Variants in C1QTNF3 observed in about 807,000 individuals in gnomAD.
The protein encoded by C1QTNF3 is complement C1q tumor necrosis factor-related protein 3.
C1QTNF3 carries 26 observed loss-of-function variants against 32.6 expected under a neutral mutation model. The ratio of observed to expected loss-of-function variants is 0.80; its 90% confidence interval spans 0.58 to 1.11. The LOEUF (loss-of-function observed/expected upper bound fraction) is 1.11, where lower values mean the gene tolerates loss of function less well. Ranked by LOEUF, C1QTNF3 falls within the 50% of genes least tolerant of loss-of-function variation. C1QTNF3 has a pLI of 0.00. For synonymous variants in C1QTNF3, 155 were observed against 146.0 expected, an observed-to-expected ratio of 1.06 and a Z score of -0.44; for missense variants, 362 against 398.2, an observed-to-expected ratio of 0.91 and a Z score of 0.77.
At chr5:34,242,629 A>C in the C1QTNF3 span, among the ~76,000 whole-genome samples, 1 of 151,830 alleles carries the variant, frequency 6.6e-6, no homozygotes, top group African/African-American at 2.4e-5. Flanking sequence ...AGTTTCTAAA[A>C]ACAATTGCAA....
the C1QTNF3 span, among the ~76,000 whole-genome samples, chr5:34,148,275 G>A: frequency 7.2e-6 from 1 of 138,726 alleles, no homozygotes; most frequent in Non-Finnish European, 1.6e-5. Flanking sequence ...AACGAGGCTG[G>A]GGGAGGGGCG....
At chr5:34,208,086 G>A in the C1QTNF3 span, among the ~76,000 whole-genome samples, 3 of 152,126 alleles carry the variant, frequency 2.0e-5, no homozygotes, top group Non-Finnish European at 2.9e-5. Context: ...CACCTCGCCC[G>A]GCCTTGAGAA....
the C1QTNF3 span, among the ~76,000 whole-genome samples, chr5:34,205,443 C>T: frequency 6.6e-6 from 1 of 152,146 alleles, no homozygotes; most frequent in Non-Finnish European, 1.5e-5. Context: ...GGGCAGATTT[C>T]CTCCTTGCTG....
At chr5:34,095,676 T>C in the C1QTNF3 span, among the ~76,000 whole-genome samples, 1 of 151,744 alleles carries the variant, frequency 6.6e-6, no homozygotes, top group Admixed American at 6.6e-5. Flanking sequence ...TAATCGATAC[T>C]TCTTGAATGA....
At chr5:34,036,036 G>A (rs917853752) in intron 1 of C1QTNF3, among the ~76,000 whole-genome samples, 7 of 152,280 alleles carry the variant, frequency 4.6e-5, no homozygotes, top group South Asian at 2.1e-4. Flanking sequence ...CCTATTTCTG[G>A]AAAGTGCCTT....
At chr5:34,138,073 C>T in the C1QTNF3 span, among the ~76,000 whole-genome samples, 1 of 152,270 alleles carries the variant, frequency 6.6e-6, no homozygotes, top group Non-Finnish European at 1.5e-5. Flanking sequence ...CGTGAACACA[C>T]AGCAAGAAGG....
the C1QTNF3 span, among the ~76,000 whole-genome samples, chr5:34,196,053 A>C: frequency 6.6e-6 from 1 of 152,282 alleles, no homozygotes; most frequent in Non-Finnish European, 1.5e-5. Flanking sequence ...CCAATCTAGG[A>C]AGCAGGCCCT....
At chr5:34,052,277 T>C in the C1QTNF3 span, among the ~76,000 whole-genome samples, 2 of 152,246 alleles carry the variant, frequency 1.3e-5, no homozygotes, top group Non-Finnish European at 2.9e-5. Context: ...CTTTCCCCTA[T>C]GATCTCAGAG....
the C1QTNF3 span, among the ~76,000 whole-genome samples, chr5:34,136,665 T>C: frequency 1.1e-3 from 173 of 152,268 alleles, 1 homozygote; most frequent in Middle Eastern, 0.01. Context: ...ACTCAAAAGA[T>C]TATAAATCAT....
the C1QTNF3 span, among the ~76,000 whole-genome samples, chr5:34,194,041 A>C: frequency 0.37 from 53,640 of 146,048 alleles, 4,967 homozygotes; most frequent in African/African-American, 0.58. Context: ...TAACATGACA[A>C]CTGCTCCTAC....
chr5:34,201,420 T>C, the C1QTNF3 span, among the ~76,000 whole-genome samples: 2 of 152,170 alleles, frequency 1.3e-5, no homozygotes, highest in Non-Finnish European at 2.9e-5. Context: ...TCCAAAACGC[T>C]CTACTTTATA....
chr5:34,104,864 A>G, the C1QTNF3 span, among the ~76,000 whole-genome samples: 2 of 151,912 alleles, frequency 1.3e-5, no homozygotes, highest in African/African-American at 4.8e-5. Context: ...AATATAATAG[A>G]TAACTTTTTT....
the C1QTNF3 span, among the ~76,000 whole-genome samples, chr5:34,210,499 C>G: frequency 6.6e-6 from 1 of 150,880 alleles, no homozygotes; most frequent in East Asian, 2.0e-4. Context: ...CAGTTTGTGG[C>G]TGCTCACATA....
the C1QTNF3 span, among the ~76,000 whole-genome samples, chr5:34,174,647 G>C: frequency 1.3e-5 from 2 of 152,262 alleles, no homozygotes; most frequent in African/African-American, 4.8e-5. Flanking sequence ...CTGAGTTTAT[G>C]GAAAGTCCAT....
At chr5:34,040,502 AGAG>A (rs1300523435) in intron 1 of C1QTNF3, among the ~76,000 whole-genome samples, 1 of 152,150 alleles carries the variant, frequency 6.6e-6, no homozygotes, top group African/African-American at 2.4e-5. Flanking sequence ...AAGAGGCTAC[AGAG>A]AAGAAAATAC....
At chr5:34,063,246 TTCTC>T in the C1QTNF3 span, among the ~76,000 whole-genome samples, 360 of 151,920 alleles carry the variant, frequency 2.4e-3, no homozygotes, top group African/African-American at 8.1e-3. Context: ...TTCTGTCTCT[TTCTC>T]TCTCTTTCTT....
chr5:34,029,821 C>T (rs1754565920), intron 3 of C1QTNF3, among the ~76,000 whole-genome samples: 2 of 152,072 alleles, frequency 1.3e-5, no homozygotes, highest in South Asian at 4.1e-4. Flanking sequence ...TTTATATGAA[C>T]AGACATTTAG....
At chr5:34,059,977 T>C in the C1QTNF3 span, among the ~76,000 whole-genome samples, 1 of 152,162 alleles carries the variant, frequency 6.6e-6, no homozygotes, top group African/African-American at 2.4e-5. Context: ...CTGAGGGGCA[T>C]TGTTAAATGA....
chr5:34,127,591 T>C, the C1QTNF3 span, among the ~76,000 whole-genome samples: 73,989 of 145,540 alleles, frequency 0.51, 19,587 homozygotes, highest in Non-Finnish European at 0.6. Context: ...TCTTTTCCTT[T>C]TTTTTTTTTT....
Sources: allele counts gnomAD v4.1 joint callset (sites outside exome capture counted in the v4.1 genomes callset), GRCh38; gene constraint gnomAD v4.1.1; transcripts MANE v1.5; gene names NCBI Gene and HGNC (gene_info 2026-07-23, HGNC 2026-07-21).